The following SMAD2 variants were observed in gnomAD, a reference collection of about 807,000 sequenced individuals.
The protein encoded by SMAD2 is SMAD family member 2.
Under a neutral mutation model 64.4 loss-of-function variants are expected in SMAD2, and 8 were observed. That is an observed-to-expected ratio of 0.12 (90% CI 0.07 to 0.22). The LOEUF (loss-of-function observed/expected upper bound fraction) is 0.22. Among genes scored for constraint, SMAD2 ranks in the 10% least tolerant of loss-of-function variants. The probability of loss-of-function intolerance (pLI) is 1.00; values close to 1 mark genes in which losing one functional copy is unlikely to be tolerated. For synonymous variants in SMAD2, 203 were observed against 195.8 expected (o/e 1.04, Z -0.31); for missense variants, 289 against 561.2 (o/e 0.51, Z 4.90).
chr18:47,920,459 C>T (rs928018177), intron 1 of SMAD2, among the ~76,000 whole-genome samples: 4 of 152,152 alleles, frequency 2.6e-5, no homozygotes, highest in African/African-American at 9.7e-5. Context: ...TGTGGTCCAT[C>T]TCAATTTCAA....
chr18:47,851,105 G>T (rs895399486), intron 7 of SMAD2, among the ~76,000 whole-genome samples, 169 bp downstream of exon 7: 3 of 150,788 alleles, frequency 2.0e-5, no homozygotes, highest in Admixed American at 6.7e-5. Context: ...TTGAGGGATG[G>T]TGTCAATATT....
At chr18:47,930,767 C>T (rs1034634315), upstream of SMAD2, 6 of 146,884 alleles carry the variant, frequency 4.1e-5, no homozygotes, top group Admixed American at 4.0e-4. Flanking sequence ...CCTCCGCCCT[C>T]GGCCGCCGGC....
chr18:47,887,391 C>G (rs1279181808), intron 2 of SMAD2, among the ~76,000 whole-genome samples: 1 of 152,102 alleles, frequency 6.6e-6, no homozygotes. Context: ...AGAAAAGGGG[C>G]ACGATCTTAA....
rs1028945180 is a variant in SMAD2 at position 47,835,324 on chromosome 18, C to CTCACAA, written c.*6497_*6502dup. The CTCACAA allele has an allele frequency of 9.7e-5, 20 of 205,134 alleles. No individual in the cohort carries two copies. Among genetic ancestry groups the CTCACAA allele is most frequent in the African/African-American group, 4.6e-4 (20 of 43,870 alleles). 12.7% of individuals were successfully genotyped at this position (205,134 alleles called of 1,614,324 possible). A position where few individuals can be genotyped will look rare whatever the true frequency, so the allele number is the denominator to read the frequency against. ...CCTACTTGTCATGTGTGAATTATTTCTCACAATTTTAATTAATCTGTGTGT... is the reference window on the plus strand; with the variant it reads ...CCTACTTGTCATGTGTGAATTATTTCTCACAATCACAATTTTAATTAATCTGTGTGT... On this transcript the variant is annotated 3_prime_UTR_variant, in exon 11 of 11. Transcript: ENST00000262160.
At chr18:47,892,451 C>T (rs1332961174) in intron 2 of SMAD2, among the ~76,000 whole-genome samples, 5 of 152,250 alleles carry the variant, frequency 3.3e-5, no homozygotes, top group East Asian at 3.9e-4. Context: ...CTGCCTGCCT[C>T]GGCCTCCCAA....
chr18:47,898,228 G>A (rs1223751242), intron 1 of SMAD2, among the ~76,000 whole-genome samples: 1 of 152,172 alleles, frequency 6.6e-6, no homozygotes, highest in East Asian at 1.9e-4. Flanking sequence ...CTGGTGAAAA[G>A]GTCAAATGTG....
chr18:47,824,442 A>T lies in SMAD2; in HGVS notation c.*17385T>A, dbSNP rs1356145167. 6.6e-6 allele frequency: 1 copy of T among 152,230 alleles called. No individual in the cohort carries two copies. The highest frequency in any genetic ancestry group is 1.5e-5 in the Non-Finnish European group (1 of 68,034). The allele number at this position is 152,230 out of a possible 1,614,324, so 9.4% of individuals were successfully genotyped here. A position where few individuals can be genotyped will look rare whatever the true frequency, so the allele number is the denominator to read the frequency against. ...CCTTGTAGCCAAGAATAATTATTTC[A>T]AGACAATTATATAATCTTTATCTGT... On this transcript the variant is annotated 3_prime_UTR_variant, in exon 11 of 11. Coordinates refer to ENST00000262160, the MANE Select transcript of SMAD2 (RefSeq NM_005901.6).
At chr18:47,878,901 T>C (rs1428839700) in intron 2 of SMAD2, among the ~76,000 whole-genome samples, 1 of 152,190 alleles carries the variant, frequency 6.6e-6, no homozygotes, top group Admixed American at 6.5e-5. Flanking sequence ...ATCCATCCCT[T>C]ACTTTTTGGA....
chr18:47,887,587 A>ACTTCAACT (rs2032977571), intron 2 of SMAD2, among the ~76,000 whole-genome samples: 1 of 152,160 alleles, frequency 6.6e-6, no homozygotes, highest in African/African-American at 2.4e-5. Context: ...AGGTAAGCCA[A>ACTTCAACT]CTTCAACTAT....
chr18:47,849,897 A>G (rs1914929345), intron 7 of SMAD2, among the ~76,000 whole-genome samples: 1 of 151,582 alleles, frequency 6.6e-6, no homozygotes, highest in South Asian at 2.1e-4. Context: ...AGTCCCAGCT[A>G]CTCAGGAGGC....
intron 1 of SMAD2, among the ~76,000 whole-genome samples, chr18:47,904,357 G>C (rs1203431290): frequency 6.6e-6 from 1 of 151,594 alleles, no homozygotes; most frequent in East Asian, 1.9e-4. Flanking sequence ...AAAGACATGT[G>C]CTGCTGAGTT....
At chr18:47,925,549 C>T (rs539295911) in intron 1 of SMAD2, among the ~76,000 whole-genome samples, 1 of 140,658 alleles carries the variant, frequency 7.1e-6, no homozygotes, top group Admixed American at 7.5e-5. Context: ...TGAACTGAAG[C>T]TGCGAGCTAT....
At chr18:47,889,632 A>G (rs1303365452) in intron 2 of SMAD2, among the ~76,000 whole-genome samples, 1 of 152,002 alleles carries the variant, frequency 6.6e-6, no homozygotes, top group African/African-American at 2.4e-5. Flanking sequence ...TTAGCCAGGC[A>G]TGGTGGCAGG....
chr18:47,929,419 A>C (rs1214252790), intron 1 of SMAD2, among the ~76,000 whole-genome samples: 2 of 152,230 alleles, frequency 1.3e-5, no homozygotes, highest in Non-Finnish European at 2.9e-5. Context: ...CATTTCAAAG[A>C]CCATTTCTAA....
At position 47,829,985 on chromosome 18, in the gene SMAD2, C is replaced by G. The variant is rs1188206824; in HGVS notation, c.*11842G>C. On this transcript the variant is annotated 3_prime_UTR_variant, in exon 11 of 11. Transcript: ENST00000262160. ...TAACTTGCAGCAGCAAATTCCCCCA[C>G]TGACAACTTCAAAGCATAGCAAGAA... is the stretch of plus-strand genomic sequence containing the variant. 6.6e-6 allele frequency: 1 copy of G among 152,196 alleles called. No homozygotes were observed. The allele number at this position is 152,196 out of a possible 1,614,324, so 9.4% of individuals were successfully genotyped here. A position where few individuals can be genotyped will look rare whatever the true frequency, so the allele number is the denominator to read the frequency against.
At chr18:47,851,474 A>T in intron 6 of SMAD2, 147 bp from the exon 7 acceptor site, 2 of 278,506 alleles carry the variant, frequency 7.2e-6, no homozygotes, top group Non-Finnish European at 6.9e-6. Flanking sequence ...AAGTGCTTAA[A>T]TTTAGTTTAA....
At chr18:47,921,641 C>T (rs1240595302) in intron 1 of SMAD2, among the ~76,000 whole-genome samples, 5 of 152,148 alleles carry the variant, frequency 3.3e-5, no homozygotes, top group Non-Finnish European at 7.4e-5. Context: ...GAACACTTTT[C>T]ATTTTTTAAT....
rs1161741011 is a variant in SMAD2 at position 47,828,416 on chromosome 18, AC to A, written c.*13410del. On this transcript the variant is annotated 3_prime_UTR_variant, in exon 11 of 11. Transcript: ENST00000262160. ...TGAGGAGCCCCTCTGCCCGGCCGCC[AC>A]CCTGTCTGGGAGGTGTACCCAACAG... 2 of 160,624 alleles carry A rather than the reference AC, an allele frequency of 1.2e-5. No individual in the cohort carries two copies. The highest frequency in any genetic ancestry group is 4.8e-5 in the African/African-American group (2 of 41,310). 9.9% of individuals were successfully genotyped at this position (160,624 alleles called of 1,614,324 possible). A position where few individuals can be genotyped will look rare whatever the true frequency, so the allele number is the denominator to read the frequency against.
At chr18:47,904,520 TGAG>T (rs2033825952) in intron 1 of SMAD2, among the ~76,000 whole-genome samples, 2 of 151,938 alleles carry the variant, frequency 1.3e-5, no homozygotes, top group South Asian at 4.2e-4. Flanking sequence ...TGCTGAGGAA[TGAG>T]AAGCAACAGC....
Sources: allele counts gnomAD v4.1 joint callset (sites outside exome capture counted in the v4.1 genomes callset), GRCh38; gene constraint gnomAD v4.1.1; transcripts MANE v1.5; gene names NCBI Gene and HGNC (gene_info 2026-07-23, HGNC 2026-07-21).